MDGA2: variants seen among roughly 807,000 people sequenced by gnomAD.
MDGA2 encodes MAM domain containing glycosylphosphatidylinositol anchor 2.
MDGA2 carries 40 observed loss-of-function variants against 117.8 expected under a neutral mutation model. The observed-to-expected ratio is 0.34, with a 90% CI of 0.26 to 0.44. The LOEUF is 0.44. Among genes scored for constraint, MDGA2 ranks in the 20% least tolerant of loss-of-function variants. The pLI is 1.00. For missense variants in MDGA2, 1,123 were observed against 1,250.6 expected, an observed-to-expected ratio of 0.90 and a Z score of 1.54; for synonymous variants, 452 against 439.0, an observed-to-expected ratio of 1.03 and a Z score of -0.37.
intron 1 of MDGA2, among the ~76,000 whole-genome samples, chr14:47,561,141 GTTT>G (rs745347174): frequency 1.5e-3 from 80 of 52,066 alleles, no homozygotes; most frequent in South Asian, 4.6e-3. Flanking sequence ...CTCTATCTTT[GTTT>G]TTTTTTTTGT....
chr14:46,866,276 A>C (rs1881756466), intron 14 of MDGA2, among the ~76,000 whole-genome samples: 2 of 152,162 alleles, frequency 1.3e-5, no homozygotes, highest in South Asian at 4.1e-4. Context: ...AACCTGAGAA[A>C]AACAAGCAAT....
At chr14:47,201,350 A>T (rs1002521174) in intron 3 of MDGA2, among the ~76,000 whole-genome samples, 1 of 152,158 alleles carries the variant, frequency 6.6e-6, no homozygotes, top group Non-Finnish European at 1.5e-5. Context: ...ACACTCTCAC[A>T]AAAGTATTAT....
chr14:47,115,448 T>C (rs1314099621), intron 5 of MDGA2, among the ~76,000 whole-genome samples: 3 of 152,010 alleles, frequency 2.0e-5, no homozygotes, highest in African/African-American at 7.2e-5. Context: ...GAGAAATATA[T>C]AGATTTTGTC....
chr14:47,667,519 C>G (rs2138310263), intron 1 of MDGA2, among the ~76,000 whole-genome samples: 1 of 152,352 alleles, frequency 6.6e-6, no homozygotes, highest in Non-Finnish European at 1.5e-5. Flanking sequence ...GGTATTTCTT[C>G]AGGCAGACAG....
intron 8 of MDGA2, among the ~76,000 whole-genome samples, chr14:47,022,347 G>A (rs1888316716): frequency 6.6e-6 from 1 of 151,974 alleles, no homozygotes; most frequent in Non-Finnish European, 1.5e-5. Context: ...CCAAAGTGCT[G>A]GGATTACAGG....
chr14:47,156,221 T>A (rs925914640), intron 3 of MDGA2, among the ~76,000 whole-genome samples: 5 of 152,138 alleles, frequency 3.3e-5, no homozygotes, highest in Non-Finnish European at 7.3e-5. Context: ...ATTTATTTTA[T>A]CAGTTGTGTG....
rs1176432369 is a variant in MDGA2 at position 47,674,505 on chromosome 14, G to C, written c.280+12C>G. Reference sequence around the variant, plus strand: ...AATCACAAGGTCACGATAGCGTCGCGATTCCACTCACCGTACACTCCTTGG... The same window carrying C: ...AATCACAAGGTCACGATAGCGTCGCCATTCCACTCACCGTACACTCCTTGG... On this transcript the variant is annotated intron_variant, in intron 1 of 16. Transcript: ENST00000399232. 1 of 1,547,056 alleles carries C rather than the reference G, an allele frequency of 6.5e-7. No homozygotes were observed. Among genetic ancestry groups the C allele is most frequent in the East Asian group, 2.5e-5 (1 of 40,668 alleles).
chr14:47,525,155 C>G (rs1480223878), intron 1 of MDGA2, among the ~76,000 whole-genome samples: 1 of 152,198 alleles, frequency 6.6e-6, no homozygotes, highest in African/African-American at 2.4e-5. Flanking sequence ...CTGGATAACA[C>G]AGAACAAGAA....
At chr14:47,218,266 C>G in intron 2 of MDGA2, 71 bp from the exon 3 acceptor site, 2 of 1,317,404 alleles carry the variant, frequency 1.5e-6, no homozygotes, top group Non-Finnish European at 2.0e-6. Context: ...AGCAATCACT[C>G]ATTTGAAGAG....
chr14:47,582,431 A>T (rs2138842494), intron 1 of MDGA2, among the ~76,000 whole-genome samples: 1 of 152,056 alleles, frequency 6.6e-6, no homozygotes, highest in East Asian at 1.9e-4. Context: ...AATTATTTTC[A>T]GTCCTTTTGA....
intron 10 of MDGA2, among the ~76,000 whole-genome samples, chr14:46,885,946 A>G (rs1882656255): frequency 6.6e-6 from 1 of 152,144 alleles, no homozygotes; most frequent in Admixed American, 6.6e-5. Context: ...AGGAGACATC[A>G]CAGGACATCA....
chr14:47,393,907 G>A (rs377018513), intron 1 of MDGA2, among the ~76,000 whole-genome samples: 7 of 152,040 alleles, frequency 4.6e-5, no homozygotes, highest in Non-Finnish European at 8.8e-5. Flanking sequence ...AAATATAAAC[G>A]AACATTTGGT....
intron 14 of MDGA2, among the ~76,000 whole-genome samples, chr14:46,862,590 G>A (rs185128310): frequency 4.9e-4 from 75 of 151,616 alleles, no homozygotes; most frequent in Non-Finnish European, 4.9e-4. Flanking sequence ...ATTCCCCATA[G>A]AGTCTTGAAA....
intron 8 of MDGA2, among the ~76,000 whole-genome samples, chr14:46,991,479 G>A (rs1321945032): frequency 4.6e-5 from 7 of 151,598 alleles, no homozygotes; most frequent in Non-Finnish European, 2.9e-5. Context: ...TGTCATTTGT[G>A]TCTTAAGAGT....
At chr14:47,109,490 TA>T (rs1284412875) in intron 5 of MDGA2, among the ~76,000 whole-genome samples, 2 of 152,054 alleles carry the variant, frequency 1.3e-5, no homozygotes, top group Admixed American at 6.6e-5. Flanking sequence ...GACATCAGAG[TA>T]AAAAGGGTAG....
intron 1 of MDGA2, among the ~76,000 whole-genome samples, chr14:47,509,698 A>G (rs1894597863): frequency 6.6e-6 from 1 of 152,182 alleles, no homozygotes; most frequent in South Asian, 2.1e-4. Flanking sequence ...ATCTCATGAA[A>G]TTTGTCTTGC....
chr14:47,328,649 A>G (rs2139902412), intron 1 of MDGA2, among the ~76,000 whole-genome samples: 1 of 152,222 alleles, frequency 6.6e-6, no homozygotes, highest in East Asian at 1.9e-4. Flanking sequence ...ACTGTTTTGA[A>G]TTTTTTTAAA....
intron 9 of MDGA2, among the ~76,000 whole-genome samples, chr14:46,951,722 T>C (rs1486609473): frequency 1.3e-5 from 2 of 151,910 alleles, no homozygotes; most frequent in African/African-American, 4.8e-5. Flanking sequence ...TTTTCCCCAG[T>C]TGAGCGTCTA....
At chr14:46,878,525 T>A (rs1029148643) in intron 11 of MDGA2, among the ~76,000 whole-genome samples, 2 of 152,078 alleles carry the variant, frequency 1.3e-5, no homozygotes, top group Non-Finnish European at 2.9e-5. Context: ...CATATATAAT[T>A]GCAACATTAG....
Sources: allele counts gnomAD v4.1 joint callset (sites outside exome capture counted in the v4.1 genomes callset), GRCh38; gene constraint gnomAD v4.1.1; transcripts MANE v1.5; gene names NCBI Gene and HGNC (gene_info 2026-07-23, HGNC 2026-07-21).